Variants in ACOT11 observed in about 807,000 individuals in gnomAD.
ACOT11 encodes acyl-coenzyme A thioesterase 11.
A neutral mutation model predicts 77.5 loss-of-function variants in ACOT11; 69 were observed. That is an observed-to-expected ratio of 0.89 (90% CI 0.73 to 1.09). The LOEUF (loss-of-function observed/expected upper bound fraction) is 1.09. Among genes scored for constraint, ACOT11 ranks in the 50% least tolerant of loss-of-function variants. The pLI is 0.00. For missense variants in ACOT11, 766 were observed against 813.7 expected, an observed-to-expected ratio of 0.94 and a Z score of 0.71; for synonymous variants, 279 against 313.0, an observed-to-expected ratio of 0.89 and a Z score of 1.15.
intron 1 of ACOT11, among the ~76,000 whole-genome samples, chr1:54,577,594 CT>C (rs60548850): frequency 0.028 from 1,270 of 45,242 alleles, 17 homozygotes; most frequent in African/African-American, 0.11. Context: ...CTGTTTCTAC[CT>C]TTTGCTTGCT....
In ACOT11 at chr1:54,609,732, A is replaced by T. The variant is rs1236491604; in HGVS notation, c.*620A>T. 6 of 1,614,168 alleles carry T rather than the reference A, an allele frequency of 3.7e-6. No homozygotes were observed. The highest frequency in any genetic ancestry group is 5.1e-6 in the Non-Finnish European group (6 of 1,180,024). ...GGCCAATGCAAGAGGCCAAGGCTGG[A>T]GAGGCGTGCCAGCAAGGCCAGGGAT... On this transcript the variant is annotated 3_prime_UTR_variant, in exon 16 of 16. Transcript: ENST00000343744.
chr1:54,582,329 C>A, intron 1 of ACOT11: 1 of 554,486 alleles, frequency 1.8e-6, no homozygotes, highest in Non-Finnish European at 2.3e-6. Context: ...AGAATTTGAA[C>A]TCAAGTCCGT....
chr1:54,610,229 C>T lies in ACOT11; in HGVS notation c.*1117C>T. The T allele has an allele frequency of 6.9e-7, 1 of 1,440,192 alleles. No homozygotes were observed. The highest frequency in any genetic ancestry group is 2.5e-4 in the Middle Eastern group (1 of 3,940). 89.2% of individuals were successfully genotyped at this position (1,440,192 alleles called of 1,614,324 possible). On this transcript the variant is annotated 3_prime_UTR_variant, in exon 16 of 16. Transcript: ENST00000343744. ...TGAGGACTGGTCTGAAGGCCAGGAG[C>T]CCTGTGCTCTTGACATCACTGTACT...
In ACOT11 at chr1:54,592,560, T is replaced by C; in HGVS notation, c.326T>C (p.Val109Ala). The C allele has an allele frequency of 1.2e-6, 2 of 1,612,542 alleles. No homozygotes were observed. The highest frequency in any genetic ancestry group is 1.3e-5 in the African/African-American group (1 of 74,862). The stretch of plus-strand genomic sequence containing the variant: ...CCTCTCCCCAGTGTTGGACAAGTGG[T>C]GAATATCAAGGCCAAGGTGAACCGG... Reference protein sequence around the residue: ...FEHTISVGQVVNIKAKVNRAF... With the variant: ...FEHTISVGQVANIKAKVNRAF... Residue 109 changes from valine (V) to alanine (A), a missense_variant, in exon 4 of 16, where the codon GTG (valine) becomes GCG (alanine). Transcript: ENST00000343744.
intron 3 of ACOT11, among the ~76,000 whole-genome samples, chr1:54,591,028 G>T (rs1569727288): frequency 2.6e-5 from 4 of 152,204 alleles, no homozygotes; most frequent in South Asian, 2.1e-4. Flanking sequence ...TAAATGCTGG[G>T]ATTACAGACA....
chr1:54,601,330 A>G lies in ACOT11; in HGVS notation c.946A>G (p.Ile316Val), dbSNP rs1267030778. 1 of 1,613,642 alleles carries G rather than the reference A, an allele frequency of 6.2e-7. No homozygotes were observed. Among genetic ancestry groups the G allele is most frequent in the East Asian group, 2.2e-5 (1 of 44,888 alleles). The change falls in exon 9 of 16, where the codon ATC (isoleucine) becomes GTC (valine). Residue 316 changes from isoleucine to valine, a missense_variant. Physicochemically the swap from Ile to Val is conservative, Grantham distance 29. Transcript: ENST00000343744. ...RQEAETHRRH[I>V]NSAFMTFVVL... is the part of the protein sequence containing the mutation. ...GGAGGCTGAGACCCACCGGCGCCAC[A>G]TCAACAGTGCCTTTATGACCTTTGT...
At chr1:54,627,370 T>G (rs1255120995) in intron 15 of ACOT11, among the ~76,000 whole-genome samples, 1 of 135,020 alleles carries the variant, frequency 7.4e-6, no homozygotes, top group Non-Finnish European at 1.7e-5. Context: ...GGAAAGAGAC[T>G]TCATCTGGCT....
intron 15 of ACOT11, among the ~76,000 whole-genome samples, chr1:54,629,021 C>T (rs115677915): frequency 0.019 from 2,234 of 115,732 alleles, 425 homozygotes; most frequent in East Asian, 0.057. Context: ...ATTGTACTGC[C>T]GCACTCCAGC....
intron 15 of ACOT11, among the ~76,000 whole-genome samples, chr1:54,622,762 TTTCTGCTGGGGA>T (rs1194630739): frequency 1.4e-5 from 2 of 147,584 alleles, no homozygotes; most frequent in African/African-American, 5.0e-5. Context: ...TTAACGGGAC[TTTCTGCTGGGGA>T]AGTCAACGGG....
rs1231386944 is a variant in ACOT11, at chr1:54,607,395, G to C, written c.1502+130G>C. 2.9e-6 allele frequency: 4 copies of C among 1,387,980 alleles called. No individual in the cohort carries two copies. Among genetic ancestry groups the C allele is most frequent in the African/African-American group, 2.9e-5 (2 of 69,788 alleles). The allele number at this position is 1,387,980 out of a possible 1,614,324, so 86.0% of individuals were successfully genotyped here. A position where few individuals can be genotyped will look rare whatever the true frequency, so the allele number is the denominator to read the frequency against. On this transcript the variant is annotated intron_variant, in intron 14 of 15. Coordinates refer to ENST00000343744, the MANE Select transcript of ACOT11 (RefSeq NM_147161.4). This position sits in a 1 kb window ranked among gnomAD's most constrained non-coding sequence, Gnocchi z 4.5. The stretch of plus-strand genomic sequence containing the variant: ...CTTCCCATTGGCTGTGGGGCCCCAG[G>C]CACCACTAGACTTTTCTGGGCTGCT...
intron 16 of ACOT11, among the ~76,000 whole-genome samples, chr1:54,633,164 C>A (rs4927146): frequency 1.3e-5 from 2 of 152,064 alleles, no homozygotes; most frequent in Non-Finnish European, 2.9e-5. Context: ...ATTGTTAAGC[C>A]TCCAGAACCT....
intron 12 of ACOT11, 21 bp from the exon 13 acceptor site, chr1:54,605,055 G>T: frequency 4.4e-6 from 7 of 1,602,434 alleles, no homozygotes; most frequent in Non-Finnish European, 6.0e-6. Flanking sequence ...AGCAAATGAG[G>T]CTGCCCTCTA....
chr1:54,613,661 T>C (rs957170708), downstream of ACOT11, among the ~76,000 whole-genome samples: 4 of 152,210 alleles, frequency 2.6e-5, no homozygotes, highest in Non-Finnish European at 5.9e-5. Flanking sequence ...CTTCAAAAGA[T>C]GCAAACTTTA....
chr1:54,552,815 GTTTGTT>G (rs1457238350), intron 1 of ACOT11, among the ~76,000 whole-genome samples: 2 of 125,358 alleles, frequency 1.6e-5, no homozygotes, highest in African/African-American at 6.5e-5. Flanking sequence ...TGTTGTTGTT[GTTTGTT>G]TTTGTTTTGT....
chr1:54,595,503 C>G (rs952023039), intron 6 of ACOT11, among the ~76,000 whole-genome samples: 1 of 152,080 alleles, frequency 6.6e-6, no homozygotes, highest in Non-Finnish European at 1.5e-5. Context: ...CCTTTCTATC[C>G]CAGAATCCAG....
chr1:54,551,108 C>T (rs1238294630), intron 1 of ACOT11, among the ~76,000 whole-genome samples: 1 of 145,594 alleles, frequency 6.9e-6, no homozygotes, highest in Non-Finnish European at 1.5e-5. Flanking sequence ...CCACTGCACT[C>T]CAGCCTGGGC....
At chr1:54,606,554 T>G (rs952613814) in intron 13 of ACOT11, among the ~76,000 whole-genome samples, 10 of 152,202 alleles carry the variant, frequency 6.6e-5, no homozygotes, top group Non-Finnish European at 1.3e-4. Context: ...CCTGATAGCC[T>G]GGACACACCC....
chr1:54,611,097 G>A (rs1644112612), downstream of ACOT11: 8 of 867,274 alleles, frequency 9.2e-6, no homozygotes, highest in African/African-American at 1.8e-5. Context: ...ACTGTTTTGA[G>A]CCGCTGTTTC....
chr1:54,619,839 CCTCAGTCTTGGCAG>C lies in ACOT11; in HGVS notation c.1630-10892_1630-10879del, dbSNP rs747952740. 14 of 1,611,786 alleles carry C rather than the reference CCTCAGTCTTGGCAG, an allele frequency of 8.7e-6. No individual in the cohort carries two copies. The East Asian group carries it at 3.1e-4, about 36-fold the overall frequency. ...CTTCTCTATCCCTTGCCCTGGCCTGCCTCAGTCTTGGCAGCTGGACTTACTGTTCAGGGCAGCTG... is the reference window on the plus strand; with the variant it reads ...CTTCTCTATCCCTTGCCCTGGCCTGCCTGGACTTACTGTTCAGGGCAGCTG... On this transcript the variant is annotated intron_variant, in intron 15 of 16. Transcript: ENST00000371316.
Sources: gnomAD v4.1 joint callset for allele counts (sites outside exome capture counted in the v4.1 genomes callset) on GRCh38, gnomAD v4.1.1 for gene constraint, Gnocchi (gnomAD v3.1) non-coding constraint, MANE v1.5 for transcripts, NCBI Gene and HGNC (gene_info 2026-07-23, HGNC 2026-07-21) for gene names.